The following ARID2 variants were observed in gnomAD, a reference collection of about 807,000 sequenced individuals.
ARID2 encodes the protein AT-rich interactive domain-containing protein 2.
A neutral mutation model predicts 184.6 loss-of-function variants in ARID2; 32 were observed. That is an observed-to-expected ratio of 0.17 (90% CI 0.13 to 0.23). The LOEUF is 0.23. Among genes scored for constraint, ARID2 ranks in the 10% least tolerant of loss-of-function variants. ARID2 has a pLI of 1.00. For missense variants in ARID2, 1,696 were observed against 2,197.6 expected (o/e 0.77, Z 4.56); for synonymous variants, 836 against 772.6 (o/e 1.08, Z -1.36).
chr12:45,783,390 A>G (rs1182369374), intron 3 of ARID2, among the ~76,000 whole-genome samples: 1 of 152,220 alleles, frequency 6.6e-6, no homozygotes, highest in Non-Finnish European at 1.5e-5. Context: ...GAAAAATTTT[A>G]TGGTCATCTC....
In ARID2 at chr12:45,850,571, A is replaced by G. The variant is rs2138163147; in HGVS notation, c.2448A>G (p.Ser816=). The G allele has an allele frequency of 6.2e-7, 1 of 1,614,140 alleles. No homozygotes were observed. Among genetic ancestry groups the G allele is most frequent in the East Asian group, 2.2e-5 (1 of 44,880 alleles). The change falls in exon 15 of 21, where the codon TCA becomes TCG. Residue 816 remains serine (S), a synonymous_variant. Transcript: ENST00000334344. ...QNIPACTSTV[S]QGQQLITTSP... is the part of the protein sequence containing the mutation. ...TACCAGCATGTACTTCTACAGTTTC[A>G]CAGGGTCAACAGTTAATCACCACAT...
intron 3 of ARID2, among the ~76,000 whole-genome samples, chr12:45,792,581 T>G (rs1474432841): frequency 6.6e-6 from 1 of 152,166 alleles, no homozygotes; most frequent in East Asian, 1.9e-4. Flanking sequence ...TTACTGTGTT[T>G]TCTTGGTTTG....
At chr12:45,797,022 A>G (rs1035273285) in intron 3 of ARID2, among the ~76,000 whole-genome samples, 23 of 152,302 alleles carry the variant, frequency 1.5e-4, no homozygotes, top group African/African-American at 5.1e-4. Flanking sequence ...CACATTTTAC[A>G]TCTGTGTTTC....
intron 3 of ARID2, among the ~76,000 whole-genome samples, chr12:45,744,434 A>T (rs527352112): frequency 6.6e-6 from 1 of 152,186 alleles, no homozygotes; most frequent in East Asian, 1.9e-4. Context: ...GGGGCTAATG[A>T]TGAACATTAC....
In ARID2 at chr12:45,731,125, C is replaced by T. The variant is rs1420460852; in HGVS notation, c.187-92C>T. 4 of 936,258 alleles carry T rather than the reference C, an allele frequency of 4.3e-6. No homozygotes were observed. In the African/African-American group the frequency reaches 4.9e-5, roughly 11 times the overall value. 58.0% of individuals were successfully genotyped at this position (936,258 alleles called of 1,614,324 possible). On this transcript the variant is annotated intron_variant, in intron 2 of 20. Transcript: ENST00000334344. ...CACCCACTGATGCCTTAGGTATCTA[C>T]AGATCTCTGTAGAATGGGTATTTAT... is the stretch of plus-strand genomic sequence containing the variant.
At chr12:45,875,970 T>A (rs546180944) in intron 16 of ARID2, among the ~76,000 whole-genome samples, 34 of 152,360 alleles carry the variant, frequency 2.2e-4, no homozygotes, top group African/African-American at 7.7e-4. Flanking sequence ...TCACTTTTAT[T>A]TTCCATTGAG....
intron 16 of ARID2, among the ~76,000 whole-genome samples, chr12:45,876,217 G>C (rs1474096260): frequency 6.6e-6 from 1 of 152,172 alleles, no homozygotes; most frequent in Non-Finnish European, 1.5e-5. Context: ...GATGGAGAGA[G>C]AGATGAAGGT....
intron 16 of ARID2, among the ~76,000 whole-genome samples, chr12:45,890,315 GATTA>G (rs1383120886): frequency 6.6e-6 from 1 of 152,172 alleles, no homozygotes; most frequent in Non-Finnish European, 1.5e-5. Flanking sequence ...AAATAAACTT[GATTA>G]ATTGTATGTA....
At chr12:45,899,866 A>G (rs1031604121) in intron 20 of ARID2, among the ~76,000 whole-genome samples, 5 of 150,730 alleles carry the variant, frequency 3.3e-5, no homozygotes, top group Admixed American at 1.3e-4. Flanking sequence ...CTATGTTACT[A>G]TTTCTTAACT....
Position 45,779,551 on chromosome 12 carries a change from A to G in ARID2, c.285-31867A>G, listed in dbSNP as rs182758846. 3.4e-3 allele frequency among the ~76,000 whole-genome samples: 515 copies of G among 152,248 alleles called. 2 individuals carry two copies. Among genetic ancestry groups the G allele is most frequent in the African/African-American group, 0.012 (485 of 41,564 alleles). ...GTTTAGTAGAACATTGTCAACAGCCAGGAGATTTGGAAATATTTGGTCATT... is the reference window on the plus strand; with the variant it reads ...GTTTAGTAGAACATTGTCAACAGCCGGGAGATTTGGAAATATTTGGTCATT... On this transcript the variant is annotated intron_variant, in intron 3 of 20. Coordinates refer to ENST00000334344, the MANE Select transcript of ARID2 (RefSeq NM_152641.4).
intron 3 of ARID2, among the ~76,000 whole-genome samples, chr12:45,804,423 T>C (rs764781190): frequency 6.6e-6 from 1 of 152,002 alleles, no homozygotes; most frequent in Non-Finnish European, 1.5e-5. Context: ...TAAAATCTTA[T>C]AGTCTTGGGT....
chr12:45,822,886 C>T (rs1942925543), intron 6 of ARID2, among the ~76,000 whole-genome samples: 1 of 152,122 alleles, frequency 6.6e-6, no homozygotes, highest in Admixed American at 6.5e-5. Context: ...CGGGACTTTA[C>T]TCACTTTCAG....
chr12:45,733,948 T>C (rs1941056430), intron 3 of ARID2, among the ~76,000 whole-genome samples: 1 of 152,210 alleles, frequency 6.6e-6, no homozygotes, highest in Admixed American at 6.5e-5. Flanking sequence ...TTTTTACAAA[T>C]ATAAGTGCCT....
At chr12:45,736,627 G>A (rs773698677) in intron 3 of ARID2, among the ~76,000 whole-genome samples, 6 of 152,222 alleles carry the variant, frequency 3.9e-5, no homozygotes, top group East Asian at 1.9e-4. Flanking sequence ...TGGAGCAGAC[G>A]GATGGGGTTG....
intron 13 of ARID2, 91 bp from the exon 14 acceptor site, chr12:45,849,489 A>G (rs1045172599): frequency 9.8e-7 from 1 of 1,015,676 alleles, no homozygotes; most frequent in African/African-American, 1.6e-5. Context: ...CATAAGCAAC[A>G]GTAAACATAC....
intron 3 of ARID2, among the ~76,000 whole-genome samples, chr12:45,738,214 A>G (rs1239399829): frequency 1.3e-5 from 2 of 152,238 alleles, no homozygotes; most frequent in Non-Finnish European, 2.9e-5. Flanking sequence ...GTTAACATGT[A>G]TAAATTCCTG....
At chr12:45,777,850 A>G (rs1408972131) in intron 3 of ARID2, among the ~76,000 whole-genome samples, 21 of 149,298 alleles carry the variant, frequency 1.4e-4, no homozygotes, top group Admixed American at 1.4e-3. Flanking sequence ...TATAAAGTTT[A>G]TATTATACTC....
Position 45,744,490 on chromosome 12 carries a change from T to G in ARID2, c.284+13176T>G, listed in dbSNP as rs138194270. 4.0e-3 allele frequency among the ~76,000 whole-genome samples: 616 copies of G among 152,286 alleles called. 1 individual carries two copies. The highest frequency in any genetic ancestry group is 0.014 in the Middle Eastern group (4 of 294). ...GCACCTTATATTTGAATATGAGTGT[T>G]TCTTATGTTCCAAGAATTTAACACA... On this transcript the variant is annotated intron_variant, in intron 3 of 20. Transcript: ENST00000334344.
At chr12:45,730,907 A>C in intron 2 of ARID2, among the ~76,000 whole-genome samples, 2 of 123,236 alleles carry the variant, frequency 1.6e-5, no homozygotes, top group Non-Finnish European at 3.2e-5. Flanking sequence ...GTGTAAACGG[A>C]CCGCGTTGAG....
Sources: allele counts gnomAD v4.1 joint callset (sites outside exome capture counted in the v4.1 genomes callset), GRCh38; gene constraint gnomAD v4.1.1; transcripts MANE v1.5; gene names NCBI Gene and HGNC (gene_info 2026-07-23, HGNC 2026-07-21).